Variants in LHPP observed in about 807,000 individuals in gnomAD.
The protein encoded by LHPP is hLHPP.
A neutral mutation model predicts 30.3 loss-of-function variants in LHPP; 24 were observed. That is an observed-to-expected ratio of 0.79 (90% CI 0.57 to 1.11). The LOEUF (loss-of-function observed/expected upper bound fraction) is 1.11, where lower values mean the gene tolerates loss of function less well. LHPP is among the 50% of genes most tolerant of loss of function. The probability of loss-of-function intolerance (pLI) is 0.00; values close to 1 mark genes in which losing one functional copy is unlikely to be tolerated. For synonymous variants in LHPP, 150 were observed against 157.1 expected (o/e 0.95, Z 0.34); for missense variants, 356 against 367.2 (o/e 0.97, Z 0.25).
intron 3 of LHPP, among the ~76,000 whole-genome samples, chr10:124,494,282 G>A (rs1156701745): frequency 2.6e-5 from 4 of 152,148 alleles, no homozygotes; most frequent in Admixed American, 6.6e-5. Flanking sequence ...GCTTGCTCCC[G>A]TCCACCCAAC....
rs1948950533 is a variant in LHPP, at chr10:124,596,918, G to A, written c.717-16346G>A. On this transcript the variant is annotated intron_variant, in intron 6 of 6. Coordinates refer to ENST00000368842, the MANE Select transcript of LHPP (RefSeq NM_022126.4). This position sits in a 1 kb window ranked among gnomAD's most constrained non-coding sequence, Gnocchi z 4.6. ...CCAGAGGAGACTGACTTTTGAGTCG[G>A]TGGACCGGGTGACGGAGACCCACCC... 6.6e-6 allele frequency among the ~76,000 whole-genome samples: 1 copy of A among 152,234 alleles called. No homozygotes were observed. Among genetic ancestry groups the A allele is most frequent in the Non-Finnish European group, 1.5e-5 (1 of 68,040 alleles).
intron 6 of LHPP, among the ~76,000 whole-genome samples, chr10:124,531,162 C>G (rs1954893219): frequency 6.6e-6 from 1 of 152,210 alleles, no homozygotes; most frequent in African/African-American, 2.4e-5. Flanking sequence ...CAAGGCCTTC[C>G]CTGGTGATGG....
intron 1 of LHPP, among the ~76,000 whole-genome samples, chr10:124,466,261 G>A (rs1952549631): frequency 6.6e-6 from 1 of 152,134 alleles, no homozygotes; most frequent in Non-Finnish European, 1.5e-5. Flanking sequence ...CAGGATGCAC[G>A]GTGCGCTGTT....
chr10:124,468,245 C>T (rs529615420), intron 1 of LHPP, among the ~76,000 whole-genome samples: 2 of 152,254 alleles, frequency 1.3e-5, no homozygotes, highest in Admixed American at 1.3e-4. Flanking sequence ...GATTGATTGC[C>T]AGGAGGGTTT....
chr10:124,567,690 G>A (rs1449194284), intron 6 of LHPP, among the ~76,000 whole-genome samples: 1 of 152,208 alleles, frequency 6.6e-6, no homozygotes, highest in African/African-American at 2.4e-5. Flanking sequence ...ATCTATGGTC[G>A]ACTGAGCTGT....
At chr10:124,608,659 C>T (rs1053011060) in intron 6 of LHPP, among the ~76,000 whole-genome samples, 1 of 152,018 alleles carries the variant, frequency 6.6e-6, no homozygotes, top group East Asian at 1.9e-4. Flanking sequence ...GCTAGCCAGC[C>T]GTTCTGGTTT....
chr10:124,487,058 G>A (rs1045334286), intron 2 of LHPP, among the ~76,000 whole-genome samples: 9 of 152,226 alleles, frequency 5.9e-5, no homozygotes, highest in East Asian at 3.8e-4. Context: ...ATTATTGCAT[G>A]TATCAGCAGT....
chr10:124,493,559 TA>T (rs1407119315), intron 3 of LHPP, among the ~76,000 whole-genome samples: 1 of 152,226 alleles, frequency 6.6e-6, no homozygotes, highest in Non-Finnish European at 1.5e-5. Flanking sequence ...CTCAGAAAAT[TA>T]AGCTGTTTAC....
At chr10:124,584,003 T>A (rs1173475532) in intron 6 of LHPP, among the ~76,000 whole-genome samples, 2 of 152,232 alleles carry the variant, frequency 1.3e-5, no homozygotes, top group African/African-American at 4.8e-5. Context: ...CTGGGTCCTT[T>A]ATAATTCCAT....
intron 4 of LHPP, among the ~76,000 whole-genome samples, 166 bp from the exon 5 acceptor site, chr10:124,497,870 G>A (rs867142862): frequency 7.2e-5 from 11 of 152,274 alleles, no homozygotes; most frequent in Middle Eastern, 6.8e-3. Flanking sequence ...AGCCCTTTCT[G>A]GAGTTGTGAG....
chr10:124,492,316 A>G (rs1166185532), intron 3 of LHPP, among the ~76,000 whole-genome samples: 1 of 152,256 alleles, frequency 6.6e-6, no homozygotes, highest in Non-Finnish European at 1.5e-5. Context: ...TCATATAAAT[A>G]AAATGTGTCC....
intron 6 of LHPP, among the ~76,000 whole-genome samples, chr10:124,555,804 C>T (rs11595055): frequency 0.14 from 21,119 of 152,196 alleles, 1,938 homozygotes; most frequent in Non-Finnish European, 0.2. Flanking sequence ...AATAAAACCA[C>T]TGACATTATT....
At chr10:124,469,341 A>G (rs11245061) in intron 1 of LHPP, among the ~76,000 whole-genome samples, 27,507 of 151,918 alleles carry the variant, frequency 0.18, 2,667 homozygotes, top group East Asian at 0.3. Flanking sequence ...ATTTTCTGTG[A>G]TGATGGGTCC....
At chr10:124,506,263 A>ACCCCCCCCCCCCCCCCCCC (rs539116106) in intron 5 of LHPP, among the ~76,000 whole-genome samples, 8 of 86,332 alleles carry the variant, frequency 9.3e-5, no homozygotes, top group Non-Finnish European at 1.4e-4. Context: ...AAAACAACAA[A>ACCCCCCCCCCCCCCCCCCC]CCCCCCCCCC....
At chr10:124,571,807 G>A (rs925711200) in intron 6 of LHPP, among the ~76,000 whole-genome samples, 1 of 152,188 alleles carries the variant, frequency 6.6e-6, no homozygotes, top group Non-Finnish European at 1.5e-5. Context: ...GGCCTCACAT[G>A]CTAGCAGAGG....
In LHPP at chr10:124,517,035, C is replaced by T. The variant is rs1180079485; in HGVS notation, c.625-145C>T. Reference sequence around the variant, plus strand: ...AAGGTGGGTTGACTTTTAATCAATACGATGACAATATTATCTTGTTTAATT... The same window carrying T: ...AAGGTGGGTTGACTTTTAATCAATATGATGACAATATTATCTTGTTTAATT... On this transcript the variant is annotated intron_variant, in intron 5 of 6. Coordinates refer to ENST00000368842, the MANE Select transcript of LHPP (RefSeq NM_022126.4). The surrounding 1 kb of genome is among the most constrained non-coding windows in gnomAD (Gnocchi z 4.1). The T allele has an allele frequency of 1.0e-5, 6 of 579,336 alleles. No homozygotes were observed. The highest frequency in any genetic ancestry group is 3.1e-5 in the East Asian group (1 of 32,608). The allele number at this position is 579,336 out of a possible 1,614,324, so 35.9% of individuals were successfully genotyped here.
At chr10:124,465,646 C>T (rs1038111087) in intron 1 of LHPP, among the ~76,000 whole-genome samples, 13 of 151,604 alleles carry the variant, frequency 8.6e-5, no homozygotes, top group African/African-American at 3.2e-4. Context: ...ACTGCAGCCT[C>T]TGCCTCCTGG....
At chr10:124,581,157 T>C (rs75051984) in intron 6 of LHPP, among the ~76,000 whole-genome samples, 9,818 of 146,640 alleles carry the variant, frequency 0.067, 407 homozygotes, top group South Asian at 0.22. Context: ...TGGAGTCATA[T>C]AGTATGTGGC....
chr10:124,501,463 G>A (rs922243527), intron 5 of LHPP, among the ~76,000 whole-genome samples: 3 of 151,630 alleles, frequency 2.0e-5, no homozygotes, highest in Admixed American at 6.5e-5. Flanking sequence ...TTAGCCAGAC[G>A]TGGTGGTGTG....
Sources: allele counts gnomAD v4.1 joint callset (sites outside exome capture counted in the v4.1 genomes callset), GRCh38; gene constraint gnomAD v4.1.1; non-coding constraint Gnocchi (gnomAD v3.1); transcripts MANE v1.5; gene names NCBI Gene and HGNC (gene_info 2026-07-23, HGNC 2026-07-21).